AMPH: variants seen among roughly 807,000 people sequenced by gnomAD.
The protein encoded by AMPH is amphiphysin (Stiff-Mann syndrome with breast cancer 128kD autoantigen).
A neutral mutation model predicts 99.1 loss-of-function variants in AMPH; 49 were observed. The observed-to-expected ratio is 0.49, with a 90% confidence interval of 0.39 to 0.63. AMPH has a LOEUF of 0.63. Among genes scored for constraint, AMPH ranks in the 20% least tolerant of loss-of-function variants. The probability of loss-of-function intolerance (pLI) is 0.00; values close to 1 mark genes in which losing one functional copy is unlikely to be tolerated. For missense variants in AMPH, 759 were observed against 863.4 expected (o/e 0.88, Z 1.52); for synonymous variants, 314 against 317.3 (o/e 0.99, Z 0.11).
chr7:38,591,284 CTTTTTCT>C (rs1278507877), intron 1 of AMPH, among the ~76,000 whole-genome samples: 13 of 121,006 alleles, frequency 1.1e-4, no homozygotes, highest in African/African-American at 4.2e-4. Flanking sequence ...TTTTCTTTTT[CTTTTTCT>C]TTTTTTTTTT....
intron 20 of AMPH, among the ~76,000 whole-genome samples, chr7:38,387,609 A>G (rs1784383021): frequency 1.3e-5 from 2 of 152,124 alleles, no homozygotes; most frequent in African/African-American, 4.8e-5. Flanking sequence ...GAAATAGTGA[A>G]AGAAAAAGAA....
At chr7:38,584,617 G>A (rs1433981307) in intron 1 of AMPH, among the ~76,000 whole-genome samples, 2 of 152,200 alleles carry the variant, frequency 1.3e-5, no homozygotes, top group Non-Finnish European at 2.9e-5. Context: ...CTTGGCATAT[G>A]ATCATGAATC....
intron 1 of AMPH, among the ~76,000 whole-genome samples, chr7:38,626,497 G>C (rs1316782421): frequency 6.6e-6 from 1 of 152,178 alleles, no homozygotes; most frequent in African/African-American, 2.4e-5. Context: ...GCCATATGCA[G>C]AAAACAGAAA....
At chr7:38,441,749 TCA>T (rs1491396023) in intron 11 of AMPH, among the ~76,000 whole-genome samples, 45 of 146,668 alleles carry the variant, frequency 3.1e-4, no homozygotes, top group African/African-American at 1.0e-3. Context: ...GACAGATATA[TCA>T]TATATATATC....
chr7:38,444,721 T>A (rs1324330608), intron 11 of AMPH, among the ~76,000 whole-genome samples: 2 of 151,948 alleles, frequency 1.3e-5, no homozygotes, highest in African/African-American at 4.8e-5. Context: ...TGGGGGGTTT[T>A]GTATTTAAGC....
Position 38,571,023 on chromosome 7 carries a change from AT to A in AMPH, c.70-36013del, listed in dbSNP as rs1468447038. 7.9e-4 allele frequency among the ~76,000 whole-genome samples: 31 copies of A among 39,230 alleles called. 1 individual carries two copies. Among genetic ancestry groups the A allele is most frequent in the Non-Finnish European group, 9.7e-4 (19 of 19,576 alleles). 25.7% of individuals were successfully genotyped at this position (39,230 alleles called of 152,430 possible). A position where few individuals can be genotyped will look rare whatever the true frequency, so the allele number is the denominator to read the frequency against. On this transcript the variant is annotated intron_variant, in intron 1 of 20. Transcript: ENST00000356264. ...TCATATATATAGAATATATATATTCATATATTGAATATATATAGAATATATA... is the reference window on the plus strand; with the variant it reads ...TCATATATATAGAATATATATATTCAATATTGAATATATATAGAATATATA...
At chr7:38,408,393 A>G (rs567951010) in intron 17 of AMPH, among the ~76,000 whole-genome samples, 29 of 152,328 alleles carry the variant, frequency 1.9e-4, no homozygotes, top group African/African-American at 6.5e-4. Context: ...CAAACATATC[A>G]CAAAATGCCT....
At chr7:38,573,588 C>T (rs372987250) in intron 1 of AMPH, among the ~76,000 whole-genome samples, 1 of 152,176 alleles carries the variant, frequency 6.6e-6, no homozygotes, top group African/African-American at 2.4e-5. Flanking sequence ...TTATACTTTG[C>T]TTTCTTGACA....
chr7:38,480,290 G>A (rs1226282183), intron 5 of AMPH, among the ~76,000 whole-genome samples: 1 of 152,092 alleles, frequency 6.6e-6, no homozygotes, highest in Non-Finnish European at 1.5e-5. Flanking sequence ...CAGGAGTAGG[G>A]TGAGGCAGGT....
Position 38,468,926 on chromosome 7 carries a change from G to A in AMPH, c.591-2678C>T, listed in dbSNP as rs1584132250. On this transcript the variant is annotated intron_variant, in intron 7 of 20. Coordinates refer to ENST00000356264, the MANE Select transcript of AMPH (RefSeq NM_001635.4). ...TCCCAGCACTTTGGGAGGCCGAGGC[G>A]GGTGGATCACGAGGTCAGGAGATCG... Among the ~76,000 whole-genome samples, 3 of 66,698 alleles carry A rather than the reference G, an allele frequency of 4.5e-5. 1 individual carries two copies. The highest frequency in any genetic ancestry group is 8.4e-5 in the Non-Finnish European group (3 of 35,816). The allele number at this position is 66,698 out of a possible 152,430, so 43.8% of individuals were successfully genotyped here. A position where few individuals can be genotyped will look rare whatever the true frequency, so the allele number is the denominator to read the frequency against.
chr7:38,453,388 G>A (rs979791888), intron 11 of AMPH, among the ~76,000 whole-genome samples: 34 of 152,256 alleles, frequency 2.2e-4, no homozygotes, highest in Non-Finnish European at 3.4e-4. Flanking sequence ...AAGCAGACCC[G>A]GGAATAGTGT....
intron 1 of AMPH, among the ~76,000 whole-genome samples, chr7:38,561,977 T>TG (rs1247344193): frequency 6.6e-6 from 1 of 151,186 alleles, no homozygotes; most frequent in African/African-American, 2.4e-5. Context: ...GTTTTTTTTT[T>TG]TTTGTTATGG....
chr7:38,517,561 A>G (rs1044825611), intron 2 of AMPH, among the ~76,000 whole-genome samples: 3 of 152,186 alleles, frequency 2.0e-5, no homozygotes, highest in Admixed American at 6.5e-5. Flanking sequence ...ACCCAGTCTC[A>G]GGTAGTTCTT....
chr7:38,391,252 CT>C (rs954078694), intron 19 of AMPH, among the ~76,000 whole-genome samples: 2 of 151,952 alleles, frequency 1.3e-5, no homozygotes, highest in Admixed American at 6.6e-5. Flanking sequence ...ACTTAGCCGC[CT>C]TTTTTTTCTG....
At chr7:38,420,962 G>C in intron 16 of AMPH, 1 of 456,618 alleles carries the variant, frequency 2.2e-6, no homozygotes. Context: ...TCTTGCTCCT[G>C]GGAAGATCGT....
chr7:38,488,418 A>G (rs752855857), intron 5 of AMPH, among the ~76,000 whole-genome samples: 36 of 151,864 alleles, frequency 2.4e-4, no homozygotes, highest in South Asian at 1.0e-3. Context: ...GCCAACTAAC[A>G]CAGGAACAGA....
intron 1 of AMPH, among the ~76,000 whole-genome samples, chr7:38,582,488 T>C (rs1316289512): frequency 6.6e-6 from 1 of 152,250 alleles, no homozygotes; most frequent in Non-Finnish European, 1.5e-5. Context: ...ACTACTCTTA[T>C]TCTTTCATAA....
chr7:38,527,265 A>G (rs779473346), intron 2 of AMPH, among the ~76,000 whole-genome samples: 2 of 152,218 alleles, frequency 1.3e-5, no homozygotes, highest in Admixed American at 6.5e-5. Context: ...AAATTTTAGA[A>G]TAAGTTTATC....
chr7:38,608,445 C>T (rs1345661989), intron 1 of AMPH, among the ~76,000 whole-genome samples: 1 of 152,166 alleles, frequency 6.6e-6, no homozygotes, highest in Non-Finnish European at 1.5e-5. Flanking sequence ...CCTTCTTCCA[C>T]CTTTTTTCAC....
Sources: gnomAD v4.1 joint callset for allele counts (sites outside exome capture counted in the v4.1 genomes callset) on GRCh38, gnomAD v4.1.1 for gene constraint, MANE v1.5 for transcripts, NCBI Gene and HGNC (gene_info 2026-07-23, HGNC 2026-07-21) for gene names.